The following LRIG1 variants were observed in gnomAD, a reference collection of about 807,000 sequenced individuals.
The protein encoded by LRIG1 is leucine rich repeats and immunoglobulin like domains 1, also known as leucine-rich repeats and immunoglobulin-like domains protein 1.
A neutral mutation model predicts 99.2 loss-of-function variants in LRIG1; 48 were observed. The ratio of observed to expected loss-of-function variants is 0.48; its 90% CI spans 0.38 to 0.62. LRIG1 has a LOEUF of 0.62. LRIG1 is among the 20% of genes least tolerant of loss of function. The probability of loss-of-function intolerance (pLI) is 0.00; values close to 1 mark genes in which losing one functional copy is unlikely to be tolerated. For synonymous variants in LRIG1, 772 were observed against 596.1 expected (o/e 1.29, Z -4.30); for missense variants, 1,646 against 1,434.4 (o/e 1.15, Z -2.38).
chr3:66,390,309 G>A (rs1426356516), intron 12 of LRIG1, among the ~76,000 whole-genome samples: 1 of 152,120 alleles, frequency 6.6e-6, no homozygotes, highest in African/African-American at 2.4e-5. Flanking sequence ...TTACATTTCT[G>A]TATACTTGCA....
intron 6 of LRIG1, among the ~76,000 whole-genome samples, chr3:66,411,846 C>A (rs1702478858): frequency 6.7e-6 from 1 of 150,258 alleles, no homozygotes; most frequent in African/African-American, 2.5e-5. Flanking sequence ...AAGGAACAAC[C>A]AGCAAAGCTA....
intron 3 of LRIG1, chr3:66,417,586 A>G: frequency 3.0e-6 from 1 of 328,084 alleles, no homozygotes; most frequent in Non-Finnish European, 5.9e-6. Context: ...CACTCACCAT[A>G]AAGGATGTGC....
chr3:66,448,034 G>C (rs1205521773), intron 3 of LRIG1, among the ~76,000 whole-genome samples: 1 of 152,170 alleles, frequency 6.6e-6, no homozygotes, highest in Non-Finnish European at 1.5e-5. Flanking sequence ...CTTTCCTTGA[G>C]TTCTATGCTT....
At chr3:66,423,637 A>G (rs924441801) in intron 3 of LRIG1, among the ~76,000 whole-genome samples, 1 of 152,206 alleles carries the variant, frequency 6.6e-6, no homozygotes, top group African/African-American at 2.4e-5. Context: ...ATCTCAAATG[A>G]TGATTCTTGT....
chr3:66,466,827 C>T lies in LRIG1; in HGVS notation c.219-4318G>A, dbSNP rs1299250605. Among the ~76,000 whole-genome samples, 4 of 152,220 alleles carry T rather than the reference C, an allele frequency of 2.6e-5. No homozygotes were observed. In the East Asian group the frequency reaches 5.8e-4, roughly 22 times the overall value. ...AATTCATCTGTCAGTAGGAAAGATGCTGTCAAAAGCATTTCTGCACCTTTC... is the reference window on the plus strand; with the variant it reads ...AATTCATCTGTCAGTAGGAAAGATGTTGTCAAAAGCATTTCTGCACCTTTC... On this transcript the variant is annotated intron_variant, in intron 1 of 18. Coordinates refer to ENST00000273261, the MANE Select transcript of LRIG1 (RefSeq NM_015541.3).
At chr3:66,433,288 G>A (rs1703240792) in intron 3 of LRIG1, among the ~76,000 whole-genome samples, 1 of 152,242 alleles carries the variant, frequency 6.6e-6, no homozygotes, top group Non-Finnish European at 1.5e-5. Flanking sequence ...ACTCCAGGCT[G>A]TGCCGCTCTC....
intron 3 of LRIG1, among the ~76,000 whole-genome samples, chr3:66,425,166 G>A (rs1268839669): frequency 6.6e-6 from 1 of 152,200 alleles, no homozygotes; most frequent in African/African-American, 2.4e-5. Context: ...GCAAGCCCAG[G>A]GAAGCATGAC....
intron 2 of LRIG1, among the ~76,000 whole-genome samples, chr3:66,454,613 A>G (rs892066410): frequency 5.3e-5 from 8 of 152,126 alleles, no homozygotes; most frequent in Admixed American, 5.2e-4. Context: ...ACCTTTTCTG[A>G]TGATTCAGGA....
At chr3:66,425,197 G>A (rs1702941276) in intron 3 of LRIG1, among the ~76,000 whole-genome samples, 1 of 152,174 alleles carries the variant, frequency 6.6e-6, no homozygotes, top group African/African-American at 2.4e-5. Context: ...CCGTCCGAGA[G>A]GCTCTCCTGG....
At chr3:66,443,386 A>G (rs1010621862) in intron 3 of LRIG1, among the ~76,000 whole-genome samples, 1 of 148,290 alleles carries the variant, frequency 6.7e-6, no homozygotes, top group Non-Finnish European at 1.5e-5. Context: ...GTGTGCACAA[A>G]TTGGCCTAAA....
chr3:66,465,665 C>A (rs1700457758), intron 1 of LRIG1, among the ~76,000 whole-genome samples: 1 of 152,042 alleles, frequency 6.6e-6, no homozygotes, highest in Admixed American at 6.5e-5. Flanking sequence ...CGTGCCCGGC[C>A]TGAGCATAAT....
chr3:66,395,042 G>C (rs990546131), intron 11 of LRIG1, among the ~76,000 whole-genome samples: 3 of 152,222 alleles, frequency 2.0e-5, no homozygotes, highest in Non-Finnish European at 4.4e-5. Flanking sequence ...CATCTCAGCG[G>C]ACATTCCTTC....
Position 66,386,233 on chromosome 3 carries a change from G to A in LRIG1, c.1537C>T (p.Arg513Trp), listed in dbSNP as rs780319467. ...CTGCTGGCTGCTGAGCATGTAAACC[G>A]GATGTCCTTGCCCACCATAGCCATG... is the stretch of plus-strand genomic sequence containing the variant. ...TTMAMVGKDI[R>W]FTCSAASSSS... The change falls in exon 13 of 19, where the codon CGG (arginine) becomes TGG (tryptophan). Residue 513 changes from arginine (R) to tryptophan (W), a missense_variant. By Grantham distance (101) the Arg-to-Trp change is moderately radical. Transcript: ENST00000273261. 2.5e-5 allele frequency: 41 copies of A among 1,613,942 alleles called. No individual in the cohort carries two copies. The highest frequency in any genetic ancestry group is 8.9e-5 in the East Asian group (4 of 44,884).
intron 1 of LRIG1, among the ~76,000 whole-genome samples, chr3:66,468,776 G>T (rs1291999458): frequency 6.6e-6 from 1 of 152,110 alleles, no homozygotes; most frequent in Non-Finnish European, 1.5e-5. Flanking sequence ...AAATTTCAGC[G>T]GGTGCAAATA....
intron 5 of LRIG1, among the ~76,000 whole-genome samples, chr3:66,414,366 C>T (rs1702558618): frequency 6.6e-6 from 1 of 151,674 alleles, no homozygotes; most frequent in South Asian, 2.1e-4. Flanking sequence ...CACTGCACCC[C>T]ACCTGGGGGA....
intron 13 of LRIG1, among the ~76,000 whole-genome samples, chr3:66,384,616 A>G (rs987156853): frequency 2.0e-5 from 3 of 150,364 alleles, no homozygotes; most frequent in African/African-American, 7.3e-5. Context: ...TTACCCACCA[A>G]GAGAGAGGCT....
chr3:66,425,879 G>A (rs1320442317), intron 3 of LRIG1, among the ~76,000 whole-genome samples: 1 of 152,222 alleles, frequency 6.6e-6, no homozygotes, highest in Non-Finnish European at 1.5e-5. Flanking sequence ...AAGCAGGCAA[G>A]ATAAGCTCTC....
intron 1 of LRIG1, among the ~76,000 whole-genome samples, chr3:66,498,422 G>A (rs1320671248): frequency 6.6e-6 from 1 of 152,070 alleles, no homozygotes; most frequent in African/African-American, 2.4e-5. Flanking sequence ...CAAATAAGAG[G>A]ACACCCTGCC....
At chr3:66,476,184 C>A (rs567752814) in intron 1 of LRIG1, among the ~76,000 whole-genome samples, 1 of 152,264 alleles carries the variant, frequency 6.6e-6, no homozygotes, top group African/African-American at 2.4e-5. Flanking sequence ...ACTCGAAATG[C>A]GCAGAGATTA....
Sources: gnomAD v4.1 joint callset for allele counts (sites outside exome capture counted in the v4.1 genomes callset) on GRCh38, gnomAD v4.1.1 for gene constraint, MANE v1.5 for transcripts, NCBI Gene and HGNC (gene_info 2026-07-23, HGNC 2026-07-21) for gene names.